The following AK5 variants were observed in gnomAD, a reference collection of about 807,000 sequenced individuals.
AK5 encodes the protein adenylate kinase 5.
AK5 carries 27 observed loss-of-function variants against 69.5 expected under a neutral mutation model. That is an observed-to-expected ratio of 0.39 (90% confidence interval 0.29 to 0.54). The LOEUF (loss-of-function observed/expected upper bound fraction) is 0.54. AK5 is among the 20% of genes least tolerant of loss of function. AK5 has a pLI of 0.71. For synonymous variants in AK5, 260 were observed against 244.4 expected (o/e 1.06, Z -0.60); for missense variants, 531 against 700.4 (o/e 0.76, Z 2.73).
chr1:77,413,303 A>G (rs955959981), intron 7 of AK5, among the ~76,000 whole-genome samples: 6 of 151,484 alleles, frequency 4.0e-5, no homozygotes, highest in Non-Finnish European at 5.9e-5. Flanking sequence ...CACTCTCCCA[A>G]CCCCATAGAG....
At chr1:77,465,482 G>C (rs1381245115) in intron 8 of AK5, among the ~76,000 whole-genome samples, 1 of 152,148 alleles carries the variant, frequency 6.6e-6, no homozygotes, top group Non-Finnish European at 1.5e-5. Context: ...GCTTTCCTAG[G>C]ACTTTGCATT....
intron 12 of AK5, among the ~76,000 whole-genome samples, chr1:77,534,190 C>A (rs137978105): frequency 5.3e-5 from 8 of 152,150 alleles, no homozygotes; most frequent in African/African-American, 1.9e-4. Flanking sequence ...CACACACTTT[C>A]TACAGTGGTG....
At chr1:77,359,251 C>A (rs1255292492) in intron 6 of AK5, among the ~76,000 whole-genome samples, 18 of 143,540 alleles carry the variant, frequency 1.3e-4, no homozygotes, top group African/African-American at 4.4e-4. Context: ...GAGACTCTGT[C>A]TCAAAAAAAA....
chr1:77,490,442 C>T (rs1655911733), intron 10 of AK5, among the ~76,000 whole-genome samples: 1 of 152,214 alleles, frequency 6.6e-6, no homozygotes, highest in Non-Finnish European at 1.5e-5. Context: ...AGGACGGACC[C>T]AGTCCACCCT....
intron 6 of AK5, chr1:77,371,264 A>G (rs3862893): frequency 0.55 from 82,988 of 152,082 alleles, 23,997 homozygotes; most frequent in East Asian, 0.82. Context: ...GGATATATTT[A>G]TATGGGTTAT....
chr1:77,552,507 C>T (rs1046511182), intron 13 of AK5, among the ~76,000 whole-genome samples: 1 of 152,112 alleles, frequency 6.6e-6, no homozygotes, highest in African/African-American at 2.4e-5. Context: ...AAGTAAATGG[C>T]CACTGTGATA....
rs201279401 is a variant in AK5 at position 77,283,743 on chromosome 1, G to GT, written c.60+1378dup. On this transcript the variant is annotated intron_variant, in intron 1 of 13. Coordinates refer to ENST00000354567, the MANE Select transcript of AK5 (RefSeq NM_174858.3). The stretch of plus-strand genomic sequence containing the variant: ...AGAATATGTGGGAATCTTAAGAGTT[G>GT]TTTTTTTTGTTTGTTTTTATTTTCA... 3,658 of 496,448 alleles carry GT rather than the reference G, an allele frequency of 7.4e-3. 73 individuals are homozygous for GT. Among genetic ancestry groups the GT allele is most frequent in the African/African-American group, 0.059 (2,775 of 46,892 alleles). The allele number at this position is 496,448 out of a possible 1,614,324, so 30.8% of individuals were successfully genotyped here. A position where few individuals can be genotyped will look rare whatever the true frequency, so the allele number is the denominator to read the frequency against.
intron 10 of AK5, among the ~76,000 whole-genome samples, chr1:77,513,337 A>G (rs1347328731): frequency 3.3e-5 from 5 of 152,112 alleles, no homozygotes; most frequent in Admixed American, 1.3e-4. Flanking sequence ...TGCTGTGATG[A>G]TGGTTCCCCT....
At chr1:77,437,796 TC>T (rs796528664) in intron 8 of AK5, among the ~76,000 whole-genome samples, 1 of 152,084 alleles carries the variant, frequency 6.6e-6, no homozygotes, top group African/African-American at 2.4e-5. Context: ...GGTTTTTTTT[TC>T]CCCTCAGCTT....
intron 13 of AK5, among the ~76,000 whole-genome samples, chr1:77,541,913 G>A (rs1224022222): frequency 6.6e-6 from 1 of 152,186 alleles, no homozygotes; most frequent in East Asian, 1.9e-4. Context: ...TGGACAGGCA[G>A]CTGGGGTCAC....
chr1:77,475,989 C>A (rs988045441), intron 8 of AK5, among the ~76,000 whole-genome samples: 1 of 152,034 alleles, frequency 6.6e-6, no homozygotes, highest in African/African-American at 2.4e-5. Context: ...TTTAAAATTT[C>A]TTATTAGAGA....
At chr1:77,496,932 GGA>G in intron 10 of AK5, among the ~76,000 whole-genome samples, 1 of 152,208 alleles carries the variant, frequency 6.6e-6, no homozygotes. Context: ...TCTGTAAAAT[GGA>G]CCAATCAGCA....
intron 6 of AK5, among the ~76,000 whole-genome samples, chr1:77,373,252 A>G (rs1345801067): frequency 6.6e-6 from 1 of 152,234 alleles, no homozygotes; most frequent in African/African-American, 2.4e-5. Context: ...GACTTCAAAG[A>G]TGAGAGTCTT....
chr1:77,468,517 G>T (rs977812675), intron 8 of AK5, among the ~76,000 whole-genome samples: 2 of 152,208 alleles, frequency 1.3e-5, no homozygotes, highest in Admixed American at 6.5e-5. Context: ...CAGTGGCAAG[G>T]GTCCAGCCCT....
chr1:77,320,844 C>T (rs1315348002), intron 5 of AK5, among the ~76,000 whole-genome samples: 2 of 152,124 alleles, frequency 1.3e-5, no homozygotes, highest in African/African-American at 2.4e-5. Context: ...TCACCAGAGA[C>T]AGAGGAATAC....
intron 8 of AK5, among the ~76,000 whole-genome samples, chr1:77,437,750 C>A (rs1448448006): frequency 6.6e-6 from 1 of 152,108 alleles, no homozygotes; most frequent in Non-Finnish European, 1.5e-5. Flanking sequence ...TTAGTCGATG[C>A]AGGCAGGAAA....
intron 1 of AK5, among the ~76,000 whole-genome samples, 197 bp from the exon 2 acceptor site, chr1:77,286,744 G>A (rs1161416975): frequency 6.6e-6 from 1 of 152,016 alleles, no homozygotes; most frequent in African/African-American, 2.4e-5. Flanking sequence ...CTACTCGGGA[G>A]GCTGAGGCAG....
chr1:77,433,487 A>T (rs1003288186), intron 8 of AK5, among the ~76,000 whole-genome samples: 14 of 152,338 alleles, frequency 9.2e-5, no homozygotes, highest in African/African-American at 2.9e-4. Flanking sequence ...CAATTTAAAT[A>T]TGACAATTTA....
At chr1:77,321,798 G>C (rs1413419413) in intron 5 of AK5, among the ~76,000 whole-genome samples, 1 of 151,958 alleles carries the variant, frequency 6.6e-6, no homozygotes, top group African/African-American at 2.4e-5. Context: ...TCTGAGACAA[G>C]AAAAAGAAAC....
Sources: allele counts gnomAD v4.1 joint callset (sites outside exome capture counted in the v4.1 genomes callset), GRCh38; gene constraint gnomAD v4.1.1; transcripts MANE v1.5; gene names NCBI Gene and HGNC (gene_info 2026-07-23, HGNC 2026-07-21).